COL4A1: variants seen among roughly 807,000 people sequenced by gnomAD.
COL4A1 encodes collagen alpha-1(IV) chain.
COL4A1 carries 40 observed loss-of-function variants against 216.6 expected under a neutral mutation model. The observed-to-expected ratio is 0.18, with a 90% CI of 0.14 to 0.24. The LOEUF (loss-of-function observed/expected upper bound fraction) is 0.24, where lower values mean the gene tolerates loss of function less well. Ranked by LOEUF, COL4A1 falls within the 10% of genes least tolerant of loss-of-function variation. The pLI, the probability that COL4A1 is intolerant of heterozygous loss-of-function variation, is 1.00. For synonymous variants in COL4A1, 839 were observed against 810.7 expected (o/e 1.03, Z -0.59); for missense variants, 1,628 against 2,196.8 (o/e 0.74, Z 5.18).
rs751702469 is a variant in COL4A1, at chr13:110,174,451, T to A, written c.3401A>T (p.Glu1134Val). 1.2e-6 allele frequency: 2 copies of A among 1,613,808 alleles called. No homozygotes were observed. Among genetic ancestry groups the A allele is most frequent in the Non-Finnish European group, 8.5e-7 (1 of 1,179,998 alleles). The part of the protein sequence containing the change: ...GLDGIPGVKG[E>V]AGLPGTPGPT... ...TCCCAAAGAGGGCCCTCTACCTGCT[T>A]CTCCTTTGACACCAGGGATGCCATC... is the stretch of plus-strand genomic sequence containing the variant. Residue 1134 changes from glutamate (E) to valine (V), a missense_variant, in exon 39 of 52, where the codon GAA becomes GTA. Around this residue, in one of 8 missense-constraint regions of COL4A1, gnomAD observed 345 missense variants for 476.9 expected, o/e 0.72. Coordinates refer to ENST00000375820, the MANE Select transcript of COL4A1 (RefSeq NM_001845.6).
At position 110,164,851 on chromosome 13, in the gene COL4A1, A is replaced by T; in HGVS notation, c.4150+11T>A. On this transcript the variant is annotated intron_variant, in intron 46 of 51. Coordinates refer to ENST00000375820, the MANE Select transcript of COL4A1 (RefSeq NM_001845.6). ...TCCCCATACCGCCCTGCACAGGCCA[A>T]GCCTTCTCACCTTGCTGGCCTTTCG... 1 of 1,613,102 alleles carries T rather than the reference A, an allele frequency of 6.2e-7. No homozygotes were observed. Among genetic ancestry groups the T allele is most frequent in the East Asian group, 2.2e-5 (1 of 44,842 alleles).
chr13:110,241,418 T>C (rs1881563278), intron 2 of COL4A1, among the ~76,000 whole-genome samples: 1 of 152,172 alleles, frequency 6.6e-6, no homozygotes, highest in Non-Finnish European at 1.5e-5. Flanking sequence ...ACCCCAAAGT[T>C]CTCCATTTTA....
chr13:110,201,240 AAGG>A (rs766675068), intron 19 of COL4A1, among the ~76,000 whole-genome samples, 195 bp downstream of exon 19: 1 of 117,370 alleles, frequency 8.5e-6, no homozygotes, highest in African/African-American at 3.1e-5. Context: ...AGAGAGAGAG[AAGG>A]AGGAGGAGGA....
chr13:110,192,503 C>A (rs1405256668), intron 23 of COL4A1, among the ~76,000 whole-genome samples: 1 of 152,170 alleles, frequency 6.6e-6, no homozygotes, highest in African/African-American at 2.4e-5. Flanking sequence ...GCTTCCAGCA[C>A]CCCACACCTG....
intron 1 of COL4A1, chr13:110,265,779 G>GA (rs965663983): frequency 1.3e-5 from 2 of 152,232 alleles, no homozygotes; most frequent in African/African-American, 4.8e-5. Flanking sequence ...GCTGCCCGTA[G>GA]AATACAATGG....
chr13:110,200,600 C>T (rs1019615399), intron 20 of COL4A1, among the ~76,000 whole-genome samples: 1 of 151,982 alleles, frequency 6.6e-6, no homozygotes, highest in Non-Finnish European at 1.5e-5. Context: ...CAGAGCTGGG[C>T]AGAATAGATC....
At position 110,211,252 on chromosome 13, in the gene COL4A1, C is replaced by T. The variant is rs557883333; in HGVS notation, c.468+395G>A. 1.6e-4 allele frequency among the ~76,000 whole-genome samples: 25 copies of T among 152,292 alleles called. No homozygotes were observed. The East Asian group carries it at 4.6e-3, about 28-fold the overall frequency. ...ATTACATGACTGCACAGTCTGAGGT[C>T]GGGCTGATGCCAGCAGCCGAGCCCC... is the stretch of plus-strand genomic sequence containing the variant. On this transcript the variant is annotated intron_variant, in intron 8 of 51. Coordinates refer to ENST00000375820, the MANE Select transcript of COL4A1 (RefSeq NM_001845.6). This position sits in a 1 kb window ranked among gnomAD's most constrained non-coding sequence, Gnocchi z 4.3.
chr13:110,224,525 G>T (rs909126625), intron 2 of COL4A1, among the ~76,000 whole-genome samples: 4 of 152,156 alleles, frequency 2.6e-5, no homozygotes, highest in African/African-American at 4.8e-5. Flanking sequence ...GTTTCACCAT[G>T]TTGGTCAGGC....
intron 31 of COL4A1, 61 bp from the exon 32 acceptor site, chr13:110,178,292 C>T (rs996534406): frequency 2.5e-6 from 4 of 1,603,174 alleles, no homozygotes; most frequent in Non-Finnish European, 1.7e-6. Context: ...CTACAATGTA[C>T]AGTGCTCTGT....
At chr13:110,276,060 A>G (rs1002690912) in intron 1 of COL4A1, among the ~76,000 whole-genome samples, 1 of 414 alleles carries the variant, frequency 2.4e-3, no homozygotes, top group African/African-American at 4.2e-3. Context: ...TGAACTATGG[A>G]CGGGGGATAG....
chr13:110,205,582 A>G, intron 15 of COL4A1, 44 bp from the exon 16 acceptor site: 4 of 1,605,436 alleles, frequency 2.5e-6, no homozygotes, highest in Non-Finnish European at 2.6e-6. Context: ...TAAATAATAG[A>G]CTGCGCGCGG....
At chr13:110,281,875 C>T (rs985668813) in intron 1 of COL4A1, among the ~76,000 whole-genome samples, 4 of 152,218 alleles carry the variant, frequency 2.6e-5, no homozygotes, top group African/African-American at 7.2e-5. Context: ...ATGTTTTCTG[C>T]AAAAGGCCCT....
At position 110,259,501 on chromosome 13, in the gene COL4A1, T is replaced by A. The variant is rs576775859; in HGVS notation, c.85-16767A>T. Among the ~76,000 whole-genome samples the A allele has an allele frequency of 3.9e-5, 6 of 152,344 alleles. No homozygotes were observed. In the East Asian group the frequency reaches 1.2e-3, roughly 29 times the overall value. ...TAAGGAGGTGAAGGAATCAACATTG[T>A]CCATCTTTCCTCTTCTGTTGCACTC... On this transcript the variant is annotated intron_variant, in intron 1 of 51. Transcript: ENST00000375820.
intron 2 of COL4A1, among the ~76,000 whole-genome samples, chr13:110,219,880 A>ATATATG (rs1880366670): frequency 2.9e-5 from 3 of 103,112 alleles, no homozygotes; most frequent in East Asian, 2.8e-4. Context: ...GTATATATGT[A>ATATATG]TATATATGTG....
intron 2 of COL4A1, among the ~76,000 whole-genome samples, chr13:110,238,094 G>A (rs781006698): frequency 3.1e-4 from 47 of 152,230 alleles, no homozygotes; most frequent in Non-Finnish European, 6.8e-4. Context: ...TTATTGCAAT[G>A]CAGAGCCAAT....
intron 2 of COL4A1, among the ~76,000 whole-genome samples, chr13:110,232,965 G>A (rs181574690): frequency 1.3e-5 from 2 of 152,272 alleles, no homozygotes; most frequent in East Asian, 3.9e-4. Flanking sequence ...AGCTGGAAAC[G>A]AGAATGTGCA....
chr13:110,255,575 GGGCA>G (rs779345045), intron 1 of COL4A1, among the ~76,000 whole-genome samples: 1 of 24,302 alleles, frequency 4.1e-5, no homozygotes, highest in East Asian at 7.3e-4. Flanking sequence ...GGAAGGGAGG[GGGCA>G]GGCAGGCAGG....
intron 1 of COL4A1, among the ~76,000 whole-genome samples, chr13:110,260,363 C>T (rs1031043552): frequency 1.3e-5 from 2 of 152,198 alleles, no homozygotes; most frequent in Non-Finnish European, 2.9e-5. Context: ...ATTACCTCCA[C>T]CTGGCTGCAC....
At chr13:110,275,949 G>C (rs1447137110) in intron 1 of COL4A1, among the ~76,000 whole-genome samples, 1 of 152,094 alleles carries the variant, frequency 6.6e-6, no homozygotes, top group Non-Finnish European at 1.5e-5. Context: ...GAATTTTGTG[G>C]GCAGTAAAAC....
Sources: allele counts gnomAD v4.1 joint callset (sites outside exome capture counted in the v4.1 genomes callset), GRCh38; gene constraint gnomAD v4.1.1; regional missense constraint gnomAD v4.1.1; non-coding constraint Gnocchi (gnomAD v3.1); transcripts MANE v1.5; gene names NCBI Gene and HGNC (gene_info 2026-07-23, HGNC 2026-07-21).